The following INO80 variants were observed in gnomAD, a reference collection of about 807,000 sequenced individuals.
INO80 encodes the protein chromatin-remodeling ATPase INO80.
In INO80, 20 loss-of-function variants were observed where a neutral mutation model predicts 203.4. The ratio of observed to expected loss-of-function variants is 0.10; its 90% CI spans 0.07 to 0.14. The LOEUF (loss-of-function observed/expected upper bound fraction) is 0.14, where lower values mean the gene tolerates loss of function less well. Among genes scored for constraint, INO80 ranks in the 10% least tolerant of loss-of-function variants. The probability of loss-of-function intolerance (pLI) is 1.00; values close to 1 mark genes in which losing one functional copy is unlikely to be tolerated. For missense variants in INO80, 1,419 were observed against 1,914.4 expected, an observed-to-expected ratio of 0.74 and a Z score of 4.83; for synonymous variants, 726 against 685.2, an observed-to-expected ratio of 1.06 and a Z score of -0.93.
intron 29 of INO80, among the ~76,000 whole-genome samples, chr15:40,991,148 A>C (rs986206427): frequency 6.6e-6 from 1 of 152,234 alleles, no homozygotes. Context: ...GAGCTCATGA[A>C]CAGTAAGATT....
chr15:41,030,869 A>C (rs2044449013), intron 24 of INO80, among the ~76,000 whole-genome samples: 1 of 150,926 alleles, frequency 6.6e-6, no homozygotes, highest in Non-Finnish European at 1.5e-5. Context: ...ATGGGGTTTC[A>C]CCATATTGGC....
chr15:41,031,622 A>AAGGG (rs2044473687), intron 24 of INO80, among the ~76,000 whole-genome samples: 2 of 15,668 alleles, frequency 1.3e-4, no homozygotes, highest in African/African-American at 5.8e-4. Context: ...AGGAGGGAGG[A>AAGGG]AGGGAGGAAG....
At chr15:40,981,287 C>T (rs891031489) in intron 35 of INO80, among the ~76,000 whole-genome samples, 1 of 152,158 alleles carries the variant, frequency 6.6e-6, no homozygotes, top group African/African-American at 2.4e-5. Context: ...CTATCTCCCT[C>T]ACCCTTTCTG....
intron 23 of INO80, among the ~76,000 whole-genome samples, chr15:41,045,905 A>G (rs1012380008): frequency 1.6e-4 from 1 of 6,310 alleles, no homozygotes; most frequent in Non-Finnish European, 0.028. Context: ...CATCTCGGGA[A>G]AAAAAAAAAA....
Position 41,085,437 on chromosome 15 carries a change from A to G in INO80, c.805T>C (p.Ser269Pro), listed in dbSNP as rs369438014. Residue 269 changes from serine (S) to proline (P), a missense_variant, in exon 7 of 36, where the codon TCC (serine) becomes CCC (proline). Physicochemically the swap from Ser to Pro is moderately conservative, Grantham distance 74. Transcript: ENST00000648947. ...CGACGAGCATTCAGCTGCTCAATGG[A>G]TAAGTGCTTTTTCTTAGTGCCAGGG... ...PPPGTKKKHLSIEQLNARRRK... is the reference protein window; with the variant it reads ...PPPGTKKKHLPIEQLNARRRK... 7 of 1,614,038 alleles carry G rather than the reference A, an allele frequency of 4.3e-6. No homozygotes were observed. Among genetic ancestry groups the G allele is most frequent in the African/African-American group, 1.3e-5 (1 of 74,900 alleles).
intron 29 of INO80, among the ~76,000 whole-genome samples, chr15:40,988,449 TTAAC>T (rs2043770843): frequency 2.6e-5 from 4 of 152,210 alleles, no homozygotes. Context: ...ATCACATTGC[TTAAC>T]TAAGCACCAC....
chr15:41,012,730 G>C (rs2044150759), intron 27 of INO80, among the ~76,000 whole-genome samples: 1 of 151,900 alleles, frequency 6.6e-6, no homozygotes, highest in African/African-American at 2.4e-5. Context: ...CACTATTTTT[G>C]TTTTTCTTAG....
rs577313475 is a variant in INO80 at position 41,047,128 on chromosome 15, C to T, written c.2735+280G>A. ...AATTACAGGCATGCACCACCATGTC[C>T]GGCTACTTTTGTATTTTTTAGAGAT... On this transcript the variant is annotated intron_variant, in intron 23 of 35. Coordinates refer to ENST00000648947, the MANE Select transcript of INO80 (RefSeq NM_017553.3). Among the ~76,000 whole-genome samples, 8 of 151,818 alleles carry T rather than the reference C, an allele frequency of 5.3e-5. No individual in the cohort carries two copies. In the South Asian group the frequency reaches 1.2e-3, roughly 24 times the overall value.
intron 35 of INO80, among the ~76,000 whole-genome samples, chr15:40,982,152 C>T (rs148480982): frequency 9.9e-5 from 15 of 152,218 alleles, no homozygotes; most frequent in East Asian, 3.9e-4. Context: ...CTCCTTTTTA[C>T]GTTTTTTAGT....
rs190282824 is a variant in INO80, at chr15:41,082,206, T to C, written c.874-1133A>G. 2.9e-3 allele frequency among the ~76,000 whole-genome samples: 404 copies of C among 138,372 alleles called. 3 individuals are homozygous for C. The highest frequency in any genetic ancestry group is 0.013 in the South Asian group (60 of 4,480). 90.8% of individuals were successfully genotyped at this position (138,372 alleles called of 152,430 possible). A position where few individuals can be genotyped will look rare whatever the true frequency, so the allele number is the denominator to read the frequency against. ...CGGAGGCTGCAGTGAGCCGAGATCG[T>C]ACCACTGCACTCCAGCCTGGGTGAC... On this transcript the variant is annotated intron_variant, in intron 7 of 35. Coordinates refer to ENST00000648947, the MANE Select transcript of INO80 (RefSeq NM_017553.3).
chr15:41,072,584 T>G (rs1188870941), intron 11 of INO80, among the ~76,000 whole-genome samples: 1 of 134,914 alleles, frequency 7.4e-6, no homozygotes, highest in Non-Finnish European at 1.6e-5. Flanking sequence ...CTGGGTGTGG[T>G]GGTGCGCACC....
rs1293829481 is a variant in INO80, at chr15:41,070,539, A to G, written c.1614T>C (p.Asn538=). ...GGCCCATTTCATCAGCAAGAATGCC[A>G]TTAATACCCTGGGGAAAAAAAATAC... The part of the protein sequence containing the change: ...WLANLYEQGI[N]GILADEMGLG... The change falls in exon 13 of 36, where the codon AAT becomes AAC. Residue 538 remains asparagine, a synonymous_variant. Coordinates refer to ENST00000648947, the MANE Select transcript of INO80 (RefSeq NM_017553.3). The G allele has an allele frequency of 1.6e-5, 26 of 1,613,882 alleles. No individual in the cohort carries two copies. The highest frequency in any genetic ancestry group is 2.2e-5 in the Non-Finnish European group (26 of 1,179,712).
intron 5 of INO80, 77 bp downstream of exon 5, chr15:41,091,950 C>T: frequency 7.5e-7 from 1 of 1,337,576 alleles, no homozygotes. Flanking sequence ...CCACGCCCAG[C>T]CAAAATGATG....
Position 41,000,405 on chromosome 15 carries a change from G to T in INO80, c.3498-2804C>A, listed in dbSNP as rs532025288. 4.6e-5 allele frequency among the ~76,000 whole-genome samples: 7 copies of T among 152,108 alleles called. No homozygotes were observed. In the South Asian group the frequency reaches 1.5e-3, roughly 32 times the overall value. ...TAAAGTATTAGAAGCAAAAAGATAA[G>T]AAATTTCTGGCCAGGTGCGGTGGCT... On this transcript the variant is annotated intron_variant, in intron 28 of 35. Transcript: ENST00000648947.
intron 24 of INO80, among the ~76,000 whole-genome samples, chr15:41,038,618 T>C (rs1396947181): frequency 6.6e-6 from 1 of 152,182 alleles, no homozygotes; most frequent in African/African-American, 2.4e-5. Flanking sequence ...TTGAAGTAAT[T>C]TTTCCATCTC....
Position 41,044,607 on chromosome 15 carries a change from T to C in INO80, c.2907+297A>G, listed in dbSNP as rs966062064. On this transcript the variant is annotated intron_variant, in intron 24 of 35. Transcript: ENST00000648947. ...ATGAGGGAGCTGGAAGTATTCTATA[T>C]ATTGATCTAGGTGGTTGTTACACAA... 2.0e-5 allele frequency among the ~76,000 whole-genome samples: 3 copies of C among 152,196 alleles called. No individual in the cohort carries two copies. In the South Asian group the frequency reaches 6.2e-4, roughly 31 times the overall value.
chr15:41,083,971 A>G (rs1438237223), intron 7 of INO80, among the ~76,000 whole-genome samples: 2 of 152,050 alleles, frequency 1.3e-5, no homozygotes, highest in African/African-American at 2.4e-5. Context: ...GATTTTTCCA[A>G]TTCTTCCCCA....
chr15:41,049,572 T>C (rs1005556356), intron 20 of INO80, 152 bp from the exon 21 acceptor site: 17 of 764,742 alleles, frequency 2.2e-5, no homozygotes, highest in Middle Eastern at 2.4e-4. Context: ...GCATCAAGGA[T>C]AGACTGTTTT....
At chr15:41,081,137 G>T in intron 7 of INO80, 64 bp from the exon 8 acceptor site, 1 of 1,038,244 alleles carries the variant, frequency 9.6e-7, no homozygotes, top group South Asian at 1.3e-5. Flanking sequence ...TATGTAGAAT[G>T]AACAGTCTTT....
Sources: allele counts gnomAD v4.1 joint callset (sites outside exome capture counted in the v4.1 genomes callset), GRCh38; gene constraint gnomAD v4.1.1; transcripts MANE v1.5; gene names NCBI Gene and HGNC (gene_info 2026-07-23, HGNC 2026-07-21).